The following YTHDF3 variants were observed in gnomAD, a reference collection of about 807,000 sequenced individuals.
YTHDF3 encodes the protein YTH domain-containing family protein 3.
YTHDF3 carries 9 observed loss-of-function variants against 52.5 expected under a neutral mutation model. The observed-to-expected ratio is 0.17, with a 90% CI of 0.10 to 0.30. YTHDF3 has a LOEUF of 0.30. Ranked by LOEUF, YTHDF3 falls within the 10% of genes least tolerant of loss-of-function variation. YTHDF3 has a pLI of 1.00. For missense variants in YTHDF3, 534 were observed against 715.0 expected (o/e 0.75, Z 2.89); for synonymous variants, 274 against 243.3 (o/e 1.13, Z -1.18).
intron 4 of YTHDF3, among the ~76,000 whole-genome samples, chr8:63,204,177 CCT>C (rs910308063): frequency 6.6e-6 from 1 of 151,818 alleles, no homozygotes; most frequent in East Asian, 1.9e-4. Context: ...TTGGATCTAT[CCT>C]CTCATTTTTT....
chr8:63,195,712 T>C (rs1267187380), intron 4 of YTHDF3, among the ~76,000 whole-genome samples: 1 of 148,880 alleles, frequency 6.7e-6, no homozygotes, highest in Non-Finnish European at 1.5e-5. Flanking sequence ...CTGGGCAACA[T>C]AGTGAGACCA....
rs536700368 is a variant in YTHDF3, at chr8:63,176,551, A to G, written c.135+1135A>G. On this transcript the variant is annotated intron_variant, in intron 3 of 4. Transcript: ENST00000539294. ...CGCCTCGGCCTCCCAAAGTGCTGGG[A>G]TTACAGGTGTGAGCCACTGGGCCCA... Among the ~76,000 whole-genome samples the G allele has an allele frequency of 3.4e-3, 510 of 152,166 alleles. 4 individuals are homozygous for G. Among genetic ancestry groups the G allele is most frequent in the African/African-American group, 0.011 (467 of 41,480 alleles).
intron 3 of YTHDF3, among the ~76,000 whole-genome samples, chr8:63,180,645 C>T (rs970682741): frequency 5.1e-4 from 77 of 151,900 alleles, no homozygotes; most frequent in African/African-American, 1.6e-3. Flanking sequence ...GAGGTTGTAG[C>T]GAGCCGAGAT....
rs1409084661 is a variant in YTHDF3 at position 63,211,425 on chromosome 8, A to C, written c.*1719A>C. 6.6e-6 allele frequency: 1 copy of C among 152,560 alleles called. No homozygotes were observed. The highest frequency in any genetic ancestry group is 1.9e-4 in the East Asian group (1 of 5,188). The allele number at this position is 152,560 out of a possible 1,614,324, so 9.5% of individuals were successfully genotyped here. ...ATGAAATCTTGTAACATGTCTCTTA[A>C]CTATTTATAATGAAAAGTGGCATTT... On this transcript the variant is annotated 3_prime_UTR_variant, in exon 5 of 5. Transcript: ENST00000539294.
At chr8:63,198,242 C>CT (rs1051940118) in intron 4 of YTHDF3, among the ~76,000 whole-genome samples, 10 of 151,860 alleles carry the variant, frequency 6.6e-5, no homozygotes, top group African/African-American at 2.2e-4. Flanking sequence ...CTTTCCTTTC[C>CT]TTTTCCCTCC....
At chr8:63,169,329 C>T in intron 1 of YTHDF3, 58 bp from the exon 2 acceptor site, 1 of 1,558,814 alleles carries the variant, frequency 6.4e-7, no homozygotes, top group Non-Finnish European at 8.7e-7. Context: ...TTGATTAACA[C>T]ACTTTTTCTT....
At position 63,186,883 on chromosome 8, in the gene YTHDF3, C is replaced by G; in HGVS notation, c.872C>G (p.Thr291Ser). The G allele has an allele frequency of 6.2e-7, 1 of 1,614,014 alleles. No homozygotes were observed. The highest frequency in any genetic ancestry group is 8.5e-7 in the Non-Finnish European group (1 of 1,179,890). ...EKGSVVKAPP[T>S]QPVLPPQTII... ...GGGTCAGTGGTAAAGGCTCCACCAACCCAACCAGTTCTGCCTCCTCAAACT... is the reference window on the plus strand; with the variant it reads ...GGGTCAGTGGTAAAGGCTCCACCAAGCCAACCAGTTCTGCCTCCTCAAACT... Residue 291 changes from threonine to serine, a missense_variant, in exon 4 of 5, where the codon ACC becomes AGC. Thr to Ser is a moderately conservative substitution (Grantham distance 58, BLOSUM62 1). This residue lies in a region of YTHDF3 where 203 missense variants were observed against 201.3 expected (regional missense o/e 1.01). Coordinates refer to ENST00000539294, the MANE Select transcript of YTHDF3 (RefSeq NM_152758.6).
At chr8:63,176,065 T>C (rs929619780) in intron 3 of YTHDF3, among the ~76,000 whole-genome samples, 2 of 152,186 alleles carry the variant, frequency 1.3e-5, no homozygotes, top group African/African-American at 4.8e-5. Context: ...ATTTAAACAT[T>C]GAAGAACAAT....
At position 63,187,117 on chromosome 8, in the gene YTHDF3, G is replaced by A; in HGVS notation, c.1106G>A (p.Gly369Glu). ...NRGAGFNQNN[G>E]AGSENFGLGV... ...GGAGCAGGCTTCAACCAGAACAATG[G>A]AGCGGGCAGTGAAAACTTTGGTTTA... The change falls in exon 4 of 5, where the codon GGA (glycine) becomes GAA (glutamate). Residue 369 changes from glycine to glutamate, a missense_variant. Around this residue, in one of 3 missense-constraint regions of YTHDF3, gnomAD observed 203 missense variants for 201.3 expected, o/e 1.01. Transcript: ENST00000539294. The A allele has an allele frequency of 6.2e-7, 1 of 1,613,922 alleles. No individual in the cohort carries two copies. Among genetic ancestry groups the A allele is most frequent in the Non-Finnish European group, 8.5e-7 (1 of 1,179,850 alleles).
At chr8:63,189,616 A>T (rs1464696952) in intron 4 of YTHDF3, among the ~76,000 whole-genome samples, 1 of 152,228 alleles carries the variant, frequency 6.6e-6, no homozygotes, top group Admixed American at 6.5e-5. Flanking sequence ...AAGTGCTTCA[A>T]CATTCCTCAG....
At chr8:63,207,632 T>A (rs1253068814) in intron 4 of YTHDF3, among the ~76,000 whole-genome samples, 1 of 152,188 alleles carries the variant, frequency 6.6e-6, no homozygotes, top group Non-Finnish European at 1.5e-5. Flanking sequence ...CATAGTTGAT[T>A]ACAATTCAAA....
chr8:63,199,825 A>G (rs1285197693), intron 4 of YTHDF3, among the ~76,000 whole-genome samples: 1 of 152,076 alleles, frequency 6.6e-6, no homozygotes, highest in Non-Finnish European at 1.5e-5. Context: ...CTACTCATAC[A>G]TGAATACTGT....
chr8:63,206,066 G>A (rs1312013018), intron 4 of YTHDF3, among the ~76,000 whole-genome samples: 1 of 151,894 alleles, frequency 6.6e-6, no homozygotes, highest in Non-Finnish European at 1.5e-5. Flanking sequence ...CCTAAATTTA[G>A]TGTACCTGTT....
At chr8:63,193,439 A>T (rs1233491608) in intron 4 of YTHDF3, among the ~76,000 whole-genome samples, 3 of 151,462 alleles carry the variant, frequency 2.0e-5, no homozygotes, top group African/African-American at 7.3e-5. Flanking sequence ...AGAAATTTGA[A>T]CTTAACTGAC....
chr8:63,170,115 CATT>C (rs1165120132), intron 2 of YTHDF3, among the ~76,000 whole-genome samples: 6 of 152,146 alleles, frequency 3.9e-5, no homozygotes, highest in East Asian at 1.9e-4. Context: ...CTGACTGAAA[CATT>C]ATGACATTAG....
intron 4 of YTHDF3, among the ~76,000 whole-genome samples, chr8:63,187,970 C>T (rs1211043405): frequency 6.6e-6 from 1 of 152,142 alleles, no homozygotes; most frequent in East Asian, 1.9e-4. Context: ...TCTTCATACT[C>T]CCTAGATGAT....
At chr8:63,181,193 G>A (rs1360770652) in intron 3 of YTHDF3, among the ~76,000 whole-genome samples, 1 of 152,176 alleles carries the variant, frequency 6.6e-6, no homozygotes, top group African/African-American at 2.4e-5. Context: ...TATCAGAGAA[G>A]TACTATAGAG....
intron 2 of YTHDF3, 171 bp downstream of exon 2, chr8:63,169,582 C>T (rs1450336725): frequency 3.5e-5 from 24 of 684,322 alleles, no homozygotes; most frequent in Non-Finnish European, 5.9e-5. Context: ...TTCGGTAGTT[C>T]GTTGCTTTGA....
At chr8:63,171,004 A>G (rs1445139431) in intron 2 of YTHDF3, among the ~76,000 whole-genome samples, 5 of 152,298 alleles carry the variant, frequency 3.3e-5, no homozygotes, top group Middle Eastern at 3.4e-3. Flanking sequence ...GCAAATAAGT[A>G]TTTTTTGGTT....
Sources: gnomAD v4.1 joint callset for allele counts (sites outside exome capture counted in the v4.1 genomes callset) on GRCh38, gnomAD v4.1.1 for gene constraint, gnomAD v4.1.1 regional missense constraint, MANE v1.5 for transcripts, NCBI Gene and HGNC (gene_info 2026-07-23, HGNC 2026-07-21) for gene names.